Variants in SV2B observed in about 807,000 individuals in gnomAD.
SV2B encodes the protein synaptic vesicle glycoprotein 2B.
SV2B carries 41 observed loss-of-function variants against 73.9 expected under a neutral mutation model. That is an observed-to-expected ratio of 0.56 (90% CI 0.43 to 0.72). SV2B has a LOEUF of 0.72. Among genes scored for constraint, SV2B ranks in the 30% least tolerant of loss-of-function variants. The pLI, the probability that SV2B is intolerant of heterozygous loss-of-function variation, is 0.00. For synonymous variants in SV2B, 314 were observed against 314.2 expected (o/e 1.00, Z 0.01); for missense variants, 764 against 857.8 (o/e 0.89, Z 1.37).
Position 91,252,800 on chromosome 15 carries a change from T to C in SV2B, c.784+280T>C, listed in dbSNP as rs1012926333. ...TCTCCCTTTCTTGTTTCCTTACTTT[T>C]ATTTGAAATAATTTCAACCTTCATC... On this transcript the variant is annotated intron_variant, in intron 4 of 12. Coordinates refer to ENST00000394232, the MANE Select transcript of SV2B (RefSeq NM_001323032.3). The surrounding 1 kb of genome is among the most constrained non-coding windows in gnomAD (Gnocchi z 4.6). 6.6e-6 allele frequency among the ~76,000 whole-genome samples: 1 copy of C among 152,166 alleles called. No individual in the cohort carries two copies. The highest frequency in any genetic ancestry group is 1.5e-5 in the Non-Finnish European group (1 of 68,044).
intron 1 of SV2B, among the ~76,000 whole-genome samples, chr15:91,112,077 C>T (rs2151729628): frequency 7.4e-6 from 1 of 135,326 alleles, no homozygotes; most frequent in East Asian, 2.4e-4. Context: ...CAAACTATGT[C>T]ATCTGCTGTG....
chr15:91,167,311 AT>A (rs2043951668), intron 1 of SV2B, among the ~76,000 whole-genome samples: 1 of 151,988 alleles, frequency 6.6e-6, no homozygotes, highest in African/African-American at 2.4e-5. Context: ...GGTTTGGGTA[AT>A]TTTAAATTGT....
At position 91,123,515 on chromosome 15, in the gene SV2B, T is replaced by C. The variant is rs1203511622; in HGVS notation, c.-392+23152T>C. 6.6e-6 allele frequency among the ~76,000 whole-genome samples: 1 copy of C among 152,164 alleles called. No homozygotes were observed. Among genetic ancestry groups the C allele is most frequent in the Non-Finnish European group, 1.5e-5 (1 of 68,032 alleles). On this transcript the variant is annotated intron_variant, in intron 1 of 12. Transcript: ENST00000394232. This position sits in a 1 kb window ranked among gnomAD's most constrained non-coding sequence, Gnocchi z 4.7. ...GCCATAAAACCACAGAGCCTGCACTTGGGTACCCCGGGAGAACTTAGGGAG... is the reference window on the plus strand; with the variant it reads ...GCCATAAAACCACAGAGCCTGCACTCGGGTACCCCGGGAGAACTTAGGGAG...
Position 91,232,509 on chromosome 15 carries a change from T to C in SV2B, c.451+5795T>C, listed in dbSNP as rs1380216726. On this transcript the variant is annotated intron_variant, in intron 2 of 12. Coordinates refer to ENST00000394232, the MANE Select transcript of SV2B (RefSeq NM_001323032.3). This position sits in a 1 kb window ranked among gnomAD's most constrained non-coding sequence, Gnocchi z 4.7. Reference sequence around the variant, plus strand: ...GCCTTTGAGGAAGGAGGTGATAAGATGGGGCCTGTGGTTTAGGATGATCAC... The same window carrying C: ...GCCTTTGAGGAAGGAGGTGATAAGACGGGGCCTGTGGTTTAGGATGATCAC... Among the ~76,000 whole-genome samples the C allele has an allele frequency of 6.6e-6, 1 of 152,186 alleles. No individual in the cohort carries two copies. The highest frequency in any genetic ancestry group is 2.4e-5 in the African/African-American group (1 of 41,448).
At position 91,227,594 on chromosome 15, in the gene SV2B, T is replaced by C. The variant is rs185685650; in HGVS notation, c.451+880T>C. On this transcript the variant is annotated intron_variant, in intron 2 of 12. Coordinates refer to ENST00000394232, the MANE Select transcript of SV2B (RefSeq NM_001323032.3). This position sits in a 1 kb window ranked among gnomAD's most constrained non-coding sequence, Gnocchi z 4.5. ...CAAATTCTCATTCAAGACCAGGACA[T>C]GCTTATGACCCTCAAGAGCTCAAAA... Among the ~76,000 whole-genome samples the C allele has an allele frequency of 6.6e-6, 1 of 152,340 alleles. No homozygotes were observed. The highest frequency in any genetic ancestry group is 2.4e-5 in the African/African-American group (1 of 41,578).
chr15:91,209,944 C>T (rs1025341159), intron 1 of SV2B, among the ~76,000 whole-genome samples: 1 of 152,154 alleles, frequency 6.6e-6, no homozygotes, highest in Admixed American at 6.5e-5. Flanking sequence ...ACACATTACC[C>T]TTTTCTAATT....
In SV2B at chr15:91,137,622, TATATAC is replaced by T. The variant is rs1298646254; in HGVS notation, c.-392+37265_-392+37270del. ...ATATATATTTCATATATATATTTCA[TATATAC>T]ATATATTTCATATATACATATATAT... is the stretch of plus-strand genomic sequence containing the variant. On this transcript the variant is annotated intron_variant, in intron 1 of 12. Coordinates refer to ENST00000394232, the MANE Select transcript of SV2B (RefSeq NM_001323032.3). This position sits in a 1 kb window ranked among gnomAD's most constrained non-coding sequence, Gnocchi z 4.9. Among the ~76,000 whole-genome samples the T allele has an allele frequency of 0.088, 11,809 of 134,882 alleles. 657 individuals carry two copies. The highest frequency in any genetic ancestry group is 0.12 in the Middle Eastern group (31 of 254). 88.5% of individuals were successfully genotyped at this position (134,882 alleles called of 152,430 possible). A position where few individuals can be genotyped will look rare whatever the true frequency, so the allele number is the denominator to read the frequency against.
intron 1 of SV2B, among the ~76,000 whole-genome samples, chr15:91,198,847 C>T (rs76246778): frequency 6.6e-6 from 1 of 152,090 alleles, no homozygotes; most frequent in Non-Finnish European, 1.5e-5. Flanking sequence ...GATCTGGGGG[C>T]AGGGCCGTAA....
At position 91,297,096 on chromosome 15, in the gene SV2B, A is replaced by C; in HGVS notation, c.*4544A>C. ...GTTGGGCGCACGCTCCTTCTGCCTG[A>C]TCGTTGGGAGCACGCTCCTTCTGCC... On this transcript the variant is annotated 3_prime_UTR_variant, in exon 13 of 13. Coordinates refer to ENST00000394232, the MANE Select transcript of SV2B (RefSeq NM_001323032.3). The surrounding 1 kb of genome is among the most constrained non-coding windows in gnomAD (Gnocchi z 5.1). 1 of 153,634 alleles carries C rather than the reference A, an allele frequency of 6.5e-6. No homozygotes were observed. Among genetic ancestry groups the C allele is most frequent in the African/African-American group, 2.5e-5 (1 of 40,582 alleles). 9.5% of individuals were successfully genotyped at this position (153,634 alleles called of 1,614,324 possible). A position where few individuals can be genotyped will look rare whatever the true frequency, so the allele number is the denominator to read the frequency against.
rs2049107253 is a variant in SV2B, at chr15:91,293,203, T to C, written c.*651T>C. On this transcript the variant is annotated 3_prime_UTR_variant, in exon 13 of 13. Coordinates refer to ENST00000394232, the MANE Select transcript of SV2B (RefSeq NM_001323032.3). Reference sequence around the variant, plus strand: ...CATTTAAGAAGGATATTTATTTCTGTTTTGCTCTATTCAAAGAAACGGAAT... The same window carrying C: ...CATTTAAGAAGGATATTTATTTCTGCTTTGCTCTATTCAAAGAAACGGAAT... 6.6e-6 allele frequency: 1 copy of C among 152,202 alleles called. No individual in the cohort carries two copies. Among genetic ancestry groups the C allele is most frequent in the Non-Finnish European group, 1.5e-5 (1 of 68,034 alleles). 9.4% of individuals were successfully genotyped at this position (152,202 alleles called of 1,614,324 possible).
intron 1 of SV2B, among the ~76,000 whole-genome samples, chr15:91,198,455 A>ATGTATG (rs2045335111): frequency 7.3e-6 from 1 of 136,756 alleles, no homozygotes; most frequent in Non-Finnish European, 1.6e-5. Context: ...AAGCACGTGT[A>ATGTATG]TGTGTGTGTG....
chr15:91,244,307 C>T (rs1335466881), intron 2 of SV2B, among the ~76,000 whole-genome samples: 1 of 152,212 alleles, frequency 6.6e-6, no homozygotes, highest in Non-Finnish European at 1.5e-5. Context: ...CATTTCTCCT[C>T]TACACATTTG....
In SV2B at chr15:91,260,390, C is replaced by A; in HGVS notation, c.989C>A (p.Thr330Asn). 6.2e-7 allele frequency: 1 copy of A among 1,613,118 alleles called. No individual in the cohort carries two copies. Among genetic ancestry groups the A allele is most frequent in the South Asian group, 1.1e-5 (1 of 90,908 alleles). The change falls in exon 6 of 13, where the codon ACC (threonine) becomes AAC (asparagine). Residue 330 changes from threonine to asparagine, a missense_variant. Transcript: ENST00000394232. Reference sequence around the variant, plus strand: ...GACACCAACATGAGAGCTAAGGGGACCCCAGAGAAAGTGTTCACGGTGAGT... The same window carrying A: ...GACACCAACATGAGAGCTAAGGGGAACCCAGAGAAAGTGTTCACGGTGAGT... Reference protein sequence around the residue: ...VHDTNMRAKGTPEKVFTVSNI... With the variant: ...VHDTNMRAKGNPEKVFTVSNI...
chr15:91,234,928 C>T lies in SV2B; in HGVS notation c.451+8214C>T, dbSNP rs376005587. Among the ~76,000 whole-genome samples the T allele has an allele frequency of 2.6e-4, 40 of 152,322 alleles. 1 individual carries two copies. In the East Asian group the frequency reaches 4.8e-3, roughly 18 times the overall value. On this transcript the variant is annotated intron_variant, in intron 2 of 12. Coordinates refer to ENST00000394232, the MANE Select transcript of SV2B (RefSeq NM_001323032.3). This position sits in a 1 kb window ranked among gnomAD's most constrained non-coding sequence, Gnocchi z 5.6. ...GACTGAAAACGTCACTGTGGCCCATCAGTCAGAGTAGGAGCTTATGGTGGT... is the reference window on the plus strand; with the variant it reads ...GACTGAAAACGTCACTGTGGCCCATTAGTCAGAGTAGGAGCTTATGGTGGT...
intron 1 of SV2B, among the ~76,000 whole-genome samples, chr15:91,204,889 G>T (rs1181548829): frequency 6.6e-6 from 1 of 151,992 alleles, no homozygotes. Flanking sequence ...CCACCACCTT[G>T]TGAGCTAATT....
In SV2B at chr15:91,124,049, A is replaced by G. The variant is rs2042409092; in HGVS notation, c.-392+23686A>G. 6.6e-6 allele frequency among the ~76,000 whole-genome samples: 1 copy of G among 152,190 alleles called. No homozygotes were observed. Among genetic ancestry groups the G allele is most frequent in the South Asian group, 2.1e-4 (1 of 4,828 alleles). ...AAATCCCTCAGAAAATACTTTGTCC[A>G]TGTCACCTTGTTGCACTCCTCATTA... On this transcript the variant is annotated intron_variant, in intron 1 of 12. Coordinates refer to ENST00000394232, the MANE Select transcript of SV2B (RefSeq NM_001323032.3). This position sits in a 1 kb window ranked among gnomAD's most constrained non-coding sequence, Gnocchi z 4.6.
rs977528615 is a variant in SV2B, at chr15:91,229,863, C to A, written c.451+3149C>A. Among the ~76,000 whole-genome samples, 9 of 152,168 alleles carry A rather than the reference C, an allele frequency of 5.9e-5. No homozygotes were observed. The highest frequency in any genetic ancestry group is 2.2e-4 in the African/African-American group (9 of 41,450). The stretch of plus-strand genomic sequence containing the variant: ...TGGTAGACTTCTAAGGTCAAGCTAT[C>A]CTGCCTCAGCTGGCGAAAAGGCTGT... On this transcript the variant is annotated intron_variant, in intron 2 of 12. Transcript: ENST00000394232. The surrounding 1 kb of genome is among the most constrained non-coding windows in gnomAD (Gnocchi z 4.3).
chr15:91,291,681 A>G (rs1018519026), intron 12 of SV2B, among the ~76,000 whole-genome samples: 1 of 152,214 alleles, frequency 6.6e-6, no homozygotes, highest in Admixed American at 6.5e-5. Flanking sequence ...TGGGTGGTGC[A>G]GGCTCTTTCT....
At chr15:91,154,342 A>G (rs1446716628) in intron 1 of SV2B, among the ~76,000 whole-genome samples, 1 of 152,158 alleles carries the variant, frequency 6.6e-6, no homozygotes. Context: ...GGCACTAGAC[A>G]TGGTAGCACA....
Sources: gnomAD v4.1 joint callset for allele counts (sites outside exome capture counted in the v4.1 genomes callset) on GRCh38, gnomAD v4.1.1 for gene constraint, Gnocchi (gnomAD v3.1) non-coding constraint, MANE v1.5 for transcripts, NCBI Gene and HGNC (gene_info 2026-07-23, HGNC 2026-07-21) for gene names.